Variants in CLCN5 observed in about 807,000 individuals in gnomAD.
CLCN5 encodes the protein Cl-/H+ antiporter 5.
Under a neutral mutation model 54.0 loss-of-function variants are expected in CLCN5, and 17 were observed. That is an observed-to-expected ratio of 0.31 (90% CI 0.22 to 0.47). The LOEUF is 0.47. Ranked by LOEUF, CLCN5 falls within the 20% of genes least tolerant of loss-of-function variation. The pLI is 1.00. For synonymous variants in CLCN5, 222 were observed against 233.0 expected (o/e 0.95, Z 0.43); for missense variants, 448 against 646.7 (o/e 0.69, Z 3.33).
intron 13 of CLCN5, 69 bp downstream of exon 13, chrX:50,090,583 A>C: frequency 8.6e-7 from 1 of 1,158,730 alleles, no homozygotes; most frequent in Non-Finnish European, 1.2e-6. Context: ...AAATGGGGGA[A>C]GACAGGGAAG....
At chrX:50,060,758 T>C (rs1932844353) in intron 4 of CLCN5, among the ~76,000 whole-genome samples, 2 of 110,037 alleles carry the variant, frequency 1.8e-5, no homozygotes, top group Non-Finnish European at 3.8e-5. Context: ...AATGTCCCTG[T>C]CTGACAGCCT....
intron 3 of CLCN5, among the ~76,000 whole-genome samples, chrX:50,018,795 G>A (rs2147421197): frequency 8.9e-6 from 1 of 112,125 alleles, no homozygotes; most frequent in African/African-American, 3.2e-5. Context: ...CCATAACTGG[G>A]ATAAATCCCA....
intron 3 of CLCN5, 117 bp downstream of exon 3, chrX:49,925,431 C>A: frequency 1.4e-6 from 1 of 723,159 alleles, no homozygotes; most frequent in Non-Finnish European, 2.2e-6. Context: ...TTAATTTAAC[C>A]CTTTGTCTTT....
At chrX:49,966,598 TTTTTTTTTTTTTTA>T (rs1927876801) in intron 3 of CLCN5, among the ~76,000 whole-genome samples, 4 of 14,897 alleles carry the variant, frequency 2.7e-4, no homozygotes, top group Middle Eastern at 0.024. Flanking sequence ...TCTTTTTTTT[TTTTTTTTTTTTTTA>T]TTTTTTTATT....
In CLCN5 at chrX:50,028,043, T is replaced by C. The variant is rs113629917; in HGVS notation, c.17-14273T>C. Among the ~76,000 whole-genome samples, 774 of 111,824 alleles carry C rather than the reference T, an allele frequency of 6.9e-3. 6 individuals carry two copies. Among genetic ancestry groups the C allele is most frequent in the African/African-American group, 0.023 (723 of 30,770 alleles). On this transcript the variant is annotated intron_variant, in intron 3 of 14. Coordinates refer to ENST00000376091, the MANE Select transcript of CLCN5 (RefSeq NM_001127898.4). ...GATCTCTATAGAAGTAATGATAAAA[T>C]GTTGAGAGAATGGAAGCATTCTGTA... is the stretch of plus-strand genomic sequence containing the variant.
chrX:50,060,046 G>A (rs1932825549), intron 4 of CLCN5, among the ~76,000 whole-genome samples: 1 of 105,664 alleles, frequency 9.5e-6, no homozygotes. Flanking sequence ...GTTTACTAAC[G>A]AACAACTTGG....
intron 4 of CLCN5, among the ~76,000 whole-genome samples, chrX:50,043,678 T>G (rs184211601): frequency 8.9e-6 from 1 of 111,824 alleles, no homozygotes; most frequent in East Asian, 2.8e-4. Flanking sequence ...ATTATTACTC[T>G]TTTGTCTGAT....
rs1926558458 is a variant in CLCN5, at chrX:49,944,250, A to G, written c.16+18936A>G. On this transcript the variant is annotated intron_variant, in intron 3 of 14. Transcript: ENST00000376091. ...GAATGCTTGTGATTTTTGCACATTG[A>G]TTTTGTATCCTGAGACTTTGCTGAA... is the stretch of plus-strand genomic sequence containing the variant. 2.7e-5 allele frequency among the ~76,000 whole-genome samples: 3 copies of G among 111,794 alleles called. No individual in the cohort carries two copies. In the South Asian group the frequency reaches 1.1e-3, roughly 42 times the overall value.
At chrX:50,082,644 G>C (rs1557193366) in intron 9 of CLCN5, among the ~76,000 whole-genome samples, 2 of 111,483 alleles carry the variant, frequency 1.8e-5, no homozygotes, top group African/African-American at 6.5e-5. Flanking sequence ...TTTATCTATG[G>C]TGAGTGGGAG....
intron 7 of CLCN5, among the ~76,000 whole-genome samples, chrX:50,078,704 G>A (rs1933545481): frequency 8.9e-6 from 1 of 112,880 alleles, no homozygotes; most frequent in African/African-American, 3.2e-5. Flanking sequence ...ATGTGTGTAA[G>A]CATTCCAACA....
At chrX:49,959,501 C>T (rs782091208) in intron 3 of CLCN5, among the ~76,000 whole-genome samples, 8 of 111,653 alleles carry the variant, frequency 7.2e-5, no homozygotes, top group Non-Finnish European at 1.3e-4. Flanking sequence ...TCCATATATT[C>T]GCAGCCATTT....
intron 3 of CLCN5, among the ~76,000 whole-genome samples, chrX:49,929,058 G>A (rs782146591): frequency 1.2e-4 from 13 of 111,626 alleles, no homozygotes; most frequent in South Asian, 3.8e-4. Context: ...TATTCTTTCC[G>A]TGGGCTCATG....
intron 3 of CLCN5, among the ~76,000 whole-genome samples, chrX:49,927,754 T>C (rs7877247): frequency 0.06 from 6,774 of 112,037 alleles, 535 homozygotes; most frequent in African/African-American, 0.21. Flanking sequence ...GGAAATCAAC[T>C]TAAGTGTCCA....
At chrX:49,961,410 T>C (rs1927591353) in intron 3 of CLCN5, among the ~76,000 whole-genome samples, 1 of 111,762 alleles carries the variant, frequency 8.9e-6, no homozygotes, top group African/African-American at 3.3e-5. Flanking sequence ...AATACCCAAT[T>C]GATCCATGGG....
chrX:50,007,397 T>TTCTCTCTCTCTCTCTCTCTCTCTCTC (rs781888075), intron 3 of CLCN5, among the ~76,000 whole-genome samples: 162 of 64,067 alleles, frequency 2.5e-3, no homozygotes, highest in Non-Finnish European at 3.2e-3. Context: ...CTCTCTCTCT[T>TTCTCTCTCTCTCTCTCTCTCTCTCTC]TCTCTCTCTC....
chrX:49,928,973 T>C (rs1925497188), intron 3 of CLCN5, among the ~76,000 whole-genome samples: 1 of 112,052 alleles, frequency 8.9e-6, no homozygotes, highest in South Asian at 3.7e-4. Flanking sequence ...TTAAGTGATA[T>C]GCCCAACGTC....
intron 3 of CLCN5, among the ~76,000 whole-genome samples, chrX:50,038,807 A>G (rs1269199724): frequency 1.8e-4 from 20 of 112,469 alleles, no homozygotes; most frequent in Admixed American, 1.6e-3. Flanking sequence ...CAAAGCAAGA[A>G]CAGAAAACTT....
At chrX:49,959,420 A>G (rs1458859623) in intron 3 of CLCN5, among the ~76,000 whole-genome samples, 1 of 111,578 alleles carries the variant, frequency 9.0e-6, no homozygotes, top group Non-Finnish European at 1.9e-5. Context: ...TAAGCATGTT[A>G]TTTCCTGGCT....
chrX:50,043,829 G>A (rs1208889368), intron 4 of CLCN5, among the ~76,000 whole-genome samples: 2 of 111,563 alleles, frequency 1.8e-5, no homozygotes, highest in African/African-American at 6.5e-5. Flanking sequence ...TACTTAGAAA[G>A]GACAGTATCA....
Sources: gnomAD v4.1 joint callset for allele counts (sites outside exome capture counted in the v4.1 genomes callset) on GRCh38, gnomAD v4.1.1 for gene constraint, MANE v1.5 for transcripts, NCBI Gene and HGNC (gene_info 2026-07-23, HGNC 2026-07-21) for gene names.